The following BRF1 variants were observed in gnomAD, a reference collection of about 807,000 sequenced individuals.
BRF1 encodes BRF1 general transcription factor IIIB subunit, also known as transcription factor IIIB 90 kDa subunit.
In BRF1, 59 loss-of-function variants were observed where a neutral mutation model predicts 81.7. The observed-to-expected ratio is 0.72, with a 90% confidence interval of 0.59 to 0.90. BRF1 has a LOEUF of 0.90. Among genes scored for constraint, BRF1 ranks in the 40% least tolerant of loss-of-function variants. The pLI is 0.00. For missense variants in BRF1, 1,050 were observed against 936.3 expected (o/e 1.12, Z -1.58); for synonymous variants, 491 against 395.6 (o/e 1.24, Z -2.86).
Position 105,209,875 on chromosome 14 carries a change from A to C in BRF1, c.*676T>G. On this transcript the variant is annotated 3_prime_UTR_variant, in exon 18 of 18. Transcript: ENST00000547530. The stretch of plus-strand genomic sequence containing the variant: ...CAAGTGGCCCTGGAGCAGGGGTCTG[A>C]CCCCCATGCTGCTCCAGGCGGTGCA... The C allele has an allele frequency of 2.3e-6, 1 of 442,860 alleles. No individual in the cohort carries two copies. The highest frequency in any genetic ancestry group is 4.0e-6 in the Non-Finnish European group (1 of 252,272). The allele number at this position is 442,860 out of a possible 1,614,324, so 27.4% of individuals were successfully genotyped here. A position where few individuals can be genotyped will look rare whatever the true frequency, so the allele number is the denominator to read the frequency against.
Position 105,221,756 on chromosome 14 carries a change from C to T in BRF1, c.1207G>A (p.Gly403Ser), listed in dbSNP as rs767304692. Reference protein sequence around the residue: ...SEAAGSPEWGGRPPALGSLLD... With the variant: ...SEAAGSPEWGSRPPALGSLLD... ...AGGGACCCCAGGGCCGGAGGTCTGCCGCCCCACTCGGGGCTTCCTGCTGCT... is the reference window on the plus strand; with the variant it reads ...AGGGACCCCAGGGCCGGAGGTCTGCTGCCCCACTCGGGGCTTCCTGCTGCT... Residue 403 changes from glycine (G) to serine (S), a missense_variant, in exon 11 of 18, where the codon GGC (glycine) becomes AGC (serine). This residue lies in a region of BRF1 where 1,043 missense variants were observed against 915.4 expected (regional missense o/e 1.14). Coordinates refer to ENST00000547530, the MANE Select transcript of BRF1 (RefSeq NM_001519.4). 79 of 1,610,844 alleles carry T rather than the reference C, an allele frequency of 4.9e-5. No homozygotes were observed. The highest frequency in any genetic ancestry group is 1.3e-4 in the Admixed American group (8 of 59,636).
chr14:105,273,894 C>T (rs913183348), intron 2 of BRF1, among the ~76,000 whole-genome samples: 27 of 152,196 alleles, frequency 1.8e-4, no homozygotes, highest in Non-Finnish European at 3.1e-4. Context: ...GCCCGACACC[C>T]GTGAAGGGTC....
intron 16 of BRF1, chr14:105,211,620 C>T (rs1000195759): frequency 2.1e-5 from 8 of 380,996 alleles, no homozygotes; most frequent in African/African-American, 1.5e-4. Context: ...GTGGCCTCAG[C>T]CCCCGGGGGC....
intron 7 of BRF1, chr14:105,227,359 G>A (rs1486733024): frequency 6.5e-6 from 1 of 153,452 alleles, no homozygotes; most frequent in Non-Finnish European, 1.4e-5. Flanking sequence ...GGCGGAGCTT[G>A]CAGTGAGCCA....
intron 5 of BRF1, chr14:105,247,207 CTT>C (rs2055181963): frequency 1.0e-6 from 1 of 985,382 alleles, no homozygotes; most frequent in Non-Finnish European, 1.2e-6. Flanking sequence ...CATCCACACA[CTT>C]TCTCTCGGAA....
intron 3 of BRF1, among the ~76,000 whole-genome samples, chr14:105,262,859 T>C (rs2056221622): frequency 6.6e-6 from 1 of 151,924 alleles, no homozygotes; most frequent in South Asian, 2.1e-4. Context: ...TAAGCTGTCA[T>C]AGTCTGGCAG....
chr14:105,220,232 C>T, intron 11 of BRF1, 102 bp from the exon 12 acceptor site: 1 of 1,358,622 alleles, frequency 7.4e-7, no homozygotes. Flanking sequence ...GGGCTAAGGG[C>T]TTTCTAGAAC....
chr14:105,217,283 G>A (rs1367736851), intron 15 of BRF1: 3 of 595,330 alleles, frequency 5.0e-6, no homozygotes, highest in Non-Finnish European at 8.8e-6. Flanking sequence ...CCCCTCCTTG[G>A]GACAAAACAG....
At chr14:105,228,404 C>T (rs587607856) in intron 7 of BRF1, 81 of 159,464 alleles carry the variant, frequency 5.1e-4, no homozygotes, top group Middle Eastern at 3.3e-3. Flanking sequence ...ATTAGCCAGG[C>T]GTGGTGGCAC....
Position 105,225,031 on chromosome 14 carries a change from G to A in BRF1, c.1048+1038C>T, listed in dbSNP as rs1035672605. ...AGCAGCCTCTCAGAAGCCCCTCCCC[G>A]GGCAAGTGGGCCCAGGCCGCAGGTG... On this transcript the variant is annotated intron_variant, in intron 10 of 17. Coordinates refer to ENST00000547530, the MANE Select transcript of BRF1 (RefSeq NM_001519.4). Among the ~76,000 whole-genome samples the A allele has an allele frequency of 1.6e-4, 24 of 152,186 alleles. 1 individual carries two copies. The highest frequency in any genetic ancestry group is 1.3e-4 in the Admixed American group (2 of 15,272).
At chr14:105,225,266 G>A (rs1157731116) in intron 10 of BRF1, among the ~76,000 whole-genome samples, 2 of 152,166 alleles carry the variant, frequency 1.3e-5, no homozygotes, top group African/African-American at 2.4e-5. Flanking sequence ...ACACAGTACA[G>A]AATACAAATC....
At chr14:105,256,655 G>A (rs1320201347) in intron 3 of BRF1, 106 bp from the exon 4 acceptor site, 11 of 1,495,242 alleles carry the variant, frequency 7.4e-6, no homozygotes, top group South Asian at 2.6e-5. Context: ...AGCTGGAGTC[G>A]CCCCTCCAAA....
At chr14:105,292,015 A>G (rs1391291830) in intron 1 of BRF1, among the ~76,000 whole-genome samples, 2 of 151,936 alleles carry the variant, frequency 1.3e-5, no homozygotes, top group African/African-American at 4.8e-5. Context: ...AAAAAAAAAG[A>G]AGTCTCACTC....
At chr14:105,270,791 GAAA>G (rs78282645) in intron 3 of BRF1, among the ~76,000 whole-genome samples, 3 of 137,124 alleles carry the variant, frequency 2.2e-5, no homozygotes, top group East Asian at 2.1e-4. Flanking sequence ...ACCCTGTCTG[GAAA>G]AAAAAAAAAA....
At position 105,241,287 on chromosome 14, in the gene BRF1, G is replaced by A. The variant is rs766644697; in HGVS notation, c.672C>T (p.Arg224=). The A allele has an allele frequency of 3.7e-5, 60 of 1,612,112 alleles. No homozygotes were observed. Among genetic ancestry groups the A allele is most frequent in the Middle Eastern group, 1.7e-4 (1 of 5,942 alleles). The part of the protein sequence containing the change: ...MKRDWMHTGR[R]PSGLCGAALL... ...TACCTGCTCCGCAGAGGCCCGAGGG[G>A]CGCCGGCCTGTGTGCATCCAGTCCC... The change falls in exon 6 of 18, where the codon CGC becomes CGT. Residue 224 remains arginine, a synonymous_variant. Transcript: ENST00000547530.
intron 5 of BRF1, among the ~76,000 whole-genome samples, chr14:105,251,727 G>C (rs939197086): frequency 1.3e-5 from 2 of 152,024 alleles, no homozygotes; most frequent in African/African-American, 4.8e-5. Flanking sequence ...GGCAAAGTAA[G>C]AAAGGGGCCT....
In BRF1 at chr14:105,215,985, C is replaced by CAG. The variant is rs1285799980; in HGVS notation, c.1772+1557_1772+1558dup. On this transcript the variant is annotated intron_variant, in intron 15 of 17. Coordinates refer to ENST00000547530, the MANE Select transcript of BRF1 (RefSeq NM_001519.4). ...CACACATGCACACACACTGCATACA[C>CAG]AGGCGCACACACACATGCACACACA... 2.1e-5 allele frequency among the ~76,000 whole-genome samples: 3 copies of CAG among 144,862 alleles called. 1 individual carries two copies. Among genetic ancestry groups the CAG allele is most frequent in the African/African-American group, 8.3e-5 (3 of 36,360 alleles).
chr14:105,287,736 CCAAA>C (rs1361423536), intron 1 of BRF1, among the ~76,000 whole-genome samples: 3 of 152,182 alleles, frequency 2.0e-5, no homozygotes, highest in African/African-American at 7.2e-5. Flanking sequence ...TAACTGAATC[CCAAA>C]CAAATACTAA....
chr14:105,212,004 G>A (rs1240330202), intron 16 of BRF1, 109 bp downstream of exon 16: 51 of 1,464,340 alleles, frequency 3.5e-5, no homozygotes, highest in Non-Finnish European at 4.5e-5. Context: ...AGGGGCAGGC[G>A]CCTCTGTCAG....
Sources: allele counts gnomAD v4.1 joint callset (sites outside exome capture counted in the v4.1 genomes callset), GRCh38; gene constraint gnomAD v4.1.1; regional missense constraint gnomAD v4.1.1; transcripts MANE v1.5; gene names NCBI Gene and HGNC (gene_info 2026-07-23, HGNC 2026-07-21).